TLN2: variants seen among roughly 807,000 people sequenced by gnomAD.
TLN2 encodes talin 2.
A neutral mutation model predicts 294.7 loss-of-function variants in TLN2; 118 were observed. That is an observed-to-expected ratio of 0.40 (90% CI 0.34 to 0.47). The LOEUF is 0.47. Ranked by LOEUF, TLN2 falls within the 20% of genes least tolerant of loss-of-function variation. The pLI is 0.84. For synonymous variants in TLN2, 1,431 were observed against 1,304.5 expected (o/e 1.10, Z -2.09); for missense variants, 3,083 against 3,282.2 (o/e 0.94, Z 1.48).
intron 1 of TLN2, among the ~76,000 whole-genome samples, chr15:62,553,080 T>G (rs915159724): frequency 6.6e-6 from 1 of 152,178 alleles, no homozygotes; most frequent in African/African-American, 2.4e-5. Context: ...AATTGCTGAG[T>G]CAAAGGATGT....
chr15:62,402,049 C>T (rs1328109587), intron 1 of TLN2, among the ~76,000 whole-genome samples: 1 of 152,198 alleles, frequency 6.6e-6, no homozygotes, highest in Admixed American at 6.5e-5. Context: ...AGAACCCTTG[C>T]TCTAGTGTCT....
intron 1 of TLN2, among the ~76,000 whole-genome samples, chr15:62,481,221 C>CT (rs61704039): frequency 0.32 from 47,308 of 149,492 alleles, 8,014 homozygotes; most frequent in Middle Eastern, 0.43. Flanking sequence ...GTTCTTTTTT[C>CT]TTTTTTTTTT....
intron 52 of TLN2, among the ~76,000 whole-genome samples, chr15:62,815,953 G>C (rs1434428453): frequency 6.6e-6 from 1 of 152,022 alleles, no homozygotes; most frequent in Admixed American, 6.6e-5. Context: ...GTGGGTCATG[G>C]GCCCCTTTGA....
chr15:62,640,432 G>A, intron 3 of TLN2: 1 of 446,466 alleles, frequency 2.2e-6, no homozygotes, highest in Non-Finnish European at 4.5e-6. Context: ...CCCCATTGAG[G>A]TATGGTAGCC....
chr15:62,662,292 T>C lies in TLN2; in HGVS notation c.788+4394T>C, dbSNP rs575759361. On this transcript the variant is annotated intron_variant, in intron 9 of 58. Coordinates refer to ENST00000636159, the MANE Select transcript of TLN2 (RefSeq NM_015059.3). ...GGATAATTAGAAAATTGAAATAAAT[T>C]TACAATCTTGAAAGAAATTGACTTA... Among the ~76,000 whole-genome samples the C allele has an allele frequency of 2.6e-5, 4 of 151,950 alleles. No homozygotes were observed. The South Asian group carries it at 8.3e-4, about 32-fold the overall frequency.
At chr15:62,659,375 T>C (rs908879017) in intron 9 of TLN2, among the ~76,000 whole-genome samples, 5 of 152,224 alleles carry the variant, frequency 3.3e-5, no homozygotes, top group Admixed American at 2.6e-4. Flanking sequence ...TCTCCCACTA[T>C]GCAGCAAAGG....
At chr15:62,748,495 CTG>C (rs752906344) in intron 33 of TLN2, 51 bp downstream of exon 33, 12 of 1,284,536 alleles carry the variant, frequency 9.3e-6, no homozygotes, top group Non-Finnish European at 1.4e-5. Context: ...GTGTCTGTGT[CTG>C]TGTGTCTGTG....
intron 13 of TLN2, 93 bp from the exon 14 acceptor site, chr15:62,694,223 C>T (rs925613007): frequency 1.3e-5 from 14 of 1,101,884 alleles, no homozygotes; most frequent in South Asian, 6.5e-5. Context: ...GTGATCCGCC[C>T]GTCTCAGCCT....
At chr15:62,401,208 G>C in intron 1 of TLN2, among the ~76,000 whole-genome samples, 1 of 152,172 alleles carries the variant, frequency 6.6e-6, no homozygotes, top group East Asian at 1.9e-4. Flanking sequence ...TCCCTAAAAA[G>C]CTTTCCTTCT....
chr15:62,468,779 A>T (rs10545617), intron 1 of TLN2, among the ~76,000 whole-genome samples: 2 of 2,982 alleles, frequency 6.7e-4, no homozygotes, highest in African/African-American at 6.8e-4. Context: ...ATACAAAAAT[A>T]AAAAAAAAAA....
At chr15:62,507,087 C>T (rs891370512) in intron 1 of TLN2, among the ~76,000 whole-genome samples, 1 of 152,114 alleles carries the variant, frequency 6.6e-6, no homozygotes, top group African/African-American at 2.4e-5. Context: ...TATTTAATCT[C>T]GTTTTCCCCC....
intron 45 of TLN2, chr15:62,784,274 G>A: frequency 2.9e-6 from 1 of 340,986 alleles, no homozygotes; most frequent in Non-Finnish European, 5.3e-6. Flanking sequence ...TTTTCCATAG[G>A]TTCACAGAAG....
rs1480854671 is a variant in TLN2, at chr15:62,725,104, G to A, written c.3255G>A (p.Thr1085=). 2 of 1,610,050 alleles carry A rather than the reference G, an allele frequency of 1.2e-6. No homozygotes were observed. Among genetic ancestry groups the A allele is most frequent in the Non-Finnish European group, 1.7e-6 (2 of 1,178,054 alleles). Residue 1085 remains threonine (T), a splice_region_variant and synonymous_variant, in exon 27 of 59, where the codon ACG becomes ACA. Coordinates refer to ENST00000636159, the MANE Select transcript of TLN2 (RefSeq NM_015059.3). ...AGCTGAAGCCACTTCCAGGGGAAAC[G>A]GTGAGCTGTTAGAGCCAGCTGGGGT... is the stretch of plus-strand genomic sequence containing the variant. ...ESQLKPLPGE[T]LEKCAQDLGS...
At chr15:62,716,549 T>C in intron 23 of TLN2, 90 bp downstream of exon 23, 1 of 1,449,450 alleles carries the variant, frequency 6.9e-7, no homozygotes, top group South Asian at 1.6e-5. Flanking sequence ...GTGTTGACAA[T>C]ATAAAGAAAG....
At chr15:62,437,138 T>A (rs1344251742) in intron 1 of TLN2, among the ~76,000 whole-genome samples, 2 of 152,250 alleles carry the variant, frequency 1.3e-5, no homozygotes, top group Non-Finnish European at 2.9e-5. Context: ...ATTTGCACAG[T>A]TTTGTTTCAT....
At chr15:62,609,325 C>T (rs905098556) in intron 2 of TLN2, among the ~76,000 whole-genome samples, 1 of 152,182 alleles carries the variant, frequency 6.6e-6, no homozygotes, top group African/African-American at 2.4e-5. Context: ...TATTCTTGAA[C>T]ACAGCCACAG....
intron 3 of TLN2, among the ~76,000 whole-genome samples, chr15:62,635,250 A>C (rs2050264578): frequency 6.6e-6 from 1 of 152,168 alleles, no homozygotes; most frequent in Non-Finnish European, 1.5e-5. Flanking sequence ...AAAGGAAAAA[A>C]TTTTAGCTTA....
rs148139613 is a variant in TLN2 at position 62,569,801 on chromosome 15, A to G, written c.-237-19886A>G. Among the ~76,000 whole-genome samples the G allele has an allele frequency of 2.0e-4, 30 of 152,324 alleles. No homozygotes were observed. The East Asian group carries it at 5.6e-3, about 28-fold the overall frequency. ...GAGTAGTTTTATAAACACTCCACAT[A>G]TGTGAATGCAGACAGTTTAATTCAA... On this transcript the variant is annotated intron_variant, in intron 1 of 58. Coordinates refer to ENST00000636159, the MANE Select transcript of TLN2 (RefSeq NM_015059.3).
chr15:62,603,976 C>CA (rs1318771767), intron 2 of TLN2, among the ~76,000 whole-genome samples: 2 of 152,206 alleles, frequency 1.3e-5, no homozygotes, highest in Non-Finnish European at 2.9e-5. Context: ...TGTTGGCACA[C>CA]AGAAAGCAGG....
Sources: allele counts gnomAD v4.1 joint callset (sites outside exome capture counted in the v4.1 genomes callset), GRCh38; gene constraint gnomAD v4.1.1; transcripts MANE v1.5; gene names NCBI Gene and HGNC (gene_info 2026-07-23, HGNC 2026-07-21).